TMEM132D: variants seen among roughly 807,000 people sequenced by gnomAD.
TMEM132D encodes mature OL transmembrane protein.
Under a neutral mutation model 62.3 loss-of-function variants are expected in TMEM132D, and 21 were observed. That is an observed-to-expected ratio of 0.34 (90% CI 0.24 to 0.49). TMEM132D has a LOEUF of 0.49. Ranked by LOEUF, TMEM132D falls within the 20% of genes least tolerant of loss-of-function variation. The pLI, the probability that TMEM132D is intolerant of heterozygous loss-of-function variation, is 0.99. For synonymous variants in TMEM132D, 621 were observed against 575.6 expected (o/e 1.08, Z -1.13); for missense variants, 1,346 against 1,402.8 (o/e 0.96, Z 0.65).
chr12:129,797,990 C>G (rs1443640347), intron 1 of TMEM132D, among the ~76,000 whole-genome samples: 1 of 152,200 alleles, frequency 6.6e-6, no homozygotes. Flanking sequence ...GTACCATCCT[C>G]TTGGTGCCAT....
chr12:129,590,881 T>C (rs553726107), intron 2 of TMEM132D, among the ~76,000 whole-genome samples: 244 of 152,294 alleles, frequency 1.6e-3, no homozygotes, highest in African/African-American at 5.0e-3. Context: ...GCAAGCATCA[T>C]CTTCAGTCAT....
chr12:129,714,343 G>A (rs576540569), intron 1 of TMEM132D, among the ~76,000 whole-genome samples: 1 of 152,290 alleles, frequency 6.6e-6, no homozygotes. Flanking sequence ...AGTAAAATCT[G>A]CAGACCCCCC....
At position 129,869,064 on chromosome 12, in the gene TMEM132D, G is replaced by GTT. The variant is rs11308735; in HGVS notation, c.79+34195_79+34196dup. Among the ~76,000 whole-genome samples, 62 of 147,404 alleles carry GTT rather than the reference G, an allele frequency of 4.2e-4. No homozygotes were observed. In the East Asian group the frequency reaches 5.3e-3, roughly 13 times the overall value. On this transcript the variant is annotated intron_variant, in intron 1 of 8. Coordinates refer to ENST00000422113, the MANE Select transcript of TMEM132D (RefSeq NM_133448.3). ...CCACTGTGTTTTTATTTTGCTTTGT[G>GTT]TTTTTTTTTTTTTAATATGAATGTC...
intron 3 of TMEM132D, among the ~76,000 whole-genome samples, chr12:129,499,789 A>AGAGTCATGGGGCG (rs1277877727): frequency 6.6e-6 from 1 of 152,216 alleles, no homozygotes; most frequent in Non-Finnish European, 1.5e-5. Context: ...CGTATGAGGC[A>AGAGTCATGGGGCG]GAGTCATGGG....
At chr12:129,503,409 G>A (rs1875216245) in intron 3 of TMEM132D, among the ~76,000 whole-genome samples, 1 of 152,122 alleles carries the variant, frequency 6.6e-6, no homozygotes, top group Admixed American at 6.5e-5. Context: ...GGGTGTTGGA[G>A]ACTCTCAGAA....
intron 2 of TMEM132D, among the ~76,000 whole-genome samples, chr12:129,638,254 A>C (rs1486707334): frequency 6.6e-6 from 1 of 152,128 alleles, no homozygotes; most frequent in Non-Finnish European, 1.5e-5. Context: ...TCATGGTTTC[A>C]CCATATCACA....
chr12:129,729,007 T>C (rs1042472749), intron 1 of TMEM132D, among the ~76,000 whole-genome samples: 7 of 152,226 alleles, frequency 4.6e-5, no homozygotes, highest in African/African-American at 1.2e-4. Context: ...CCAGTATTTA[T>C]AAAACAAAAG....
chr12:129,684,707 GAAT>G (rs1481410367), intron 2 of TMEM132D, among the ~76,000 whole-genome samples: 4 of 152,074 alleles, frequency 2.6e-5, no homozygotes, highest in Non-Finnish European at 5.9e-5. Context: ...CAGAAGACAG[GAAT>G]ATGTGGAAAA....
chr12:129,185,021 T>G (rs188820165), intron 5 of TMEM132D, among the ~76,000 whole-genome samples: 3 of 152,270 alleles, frequency 2.0e-5, no homozygotes, highest in African/African-American at 7.2e-5. Flanking sequence ...TCACTAAATC[T>G]CAAGTCTAAA....
At chr12:129,093,618 T>C (rs1472469425) in intron 5 of TMEM132D, among the ~76,000 whole-genome samples, 1 of 152,174 alleles carries the variant, frequency 6.6e-6, no homozygotes, top group Non-Finnish European at 1.5e-5. Flanking sequence ...CCCAAGGTCA[T>C]TTATAGATTC....
chr12:129,761,285 T>A (rs749532463), intron 1 of TMEM132D, among the ~76,000 whole-genome samples: 1 of 152,074 alleles, frequency 6.6e-6, no homozygotes, highest in African/African-American at 2.4e-5. Flanking sequence ...ACCACCATGA[T>A]GAAAGACGGT....
chr12:129,726,988 T>C (rs1008375042), intron 1 of TMEM132D, among the ~76,000 whole-genome samples: 1 of 152,294 alleles, frequency 6.6e-6, no homozygotes, highest in South Asian at 2.1e-4. Context: ...CAGTGTGGAT[T>C]TATTTGCTAT....
chr12:129,708,299 G>A (rs1314071836), intron 1 of TMEM132D, among the ~76,000 whole-genome samples: 1 of 152,154 alleles, frequency 6.6e-6, no homozygotes, highest in Non-Finnish European at 1.5e-5. Context: ...ACCAACTTGA[G>A]ACAGGAAGAG....
At chr12:129,381,937 G>T (rs1394090343) in intron 3 of TMEM132D, among the ~76,000 whole-genome samples, 1 of 152,258 alleles carries the variant, frequency 6.6e-6, no homozygotes, top group South Asian at 2.1e-4. Context: ...GGTACTTTAT[G>T]TAAATGATTA....
At chr12:129,540,110 T>A (rs1322555078) in intron 2 of TMEM132D, among the ~76,000 whole-genome samples, 1 of 152,166 alleles carries the variant, frequency 6.6e-6, no homozygotes, top group Non-Finnish European at 1.5e-5. Flanking sequence ...GTTCAATGGC[T>A]TTTAAAAACC....
intron 1 of TMEM132D, among the ~76,000 whole-genome samples, chr12:129,823,078 G>A (rs1872578270): frequency 6.6e-6 from 1 of 152,160 alleles, no homozygotes. Flanking sequence ...TTGTTTAAAA[G>A]TATGTGGCAC....
At chr12:129,667,181 G>T (rs866168028) in intron 2 of TMEM132D, among the ~76,000 whole-genome samples, 2 of 152,016 alleles carry the variant, frequency 1.3e-5, no homozygotes, top group East Asian at 3.9e-4. Flanking sequence ...AATTGTAAAG[G>T]GTTCTAAAAA....
At position 129,484,892 on chromosome 12, in the gene TMEM132D, A is replaced by T. The variant is rs1044302243; in HGVS notation, c.1115+46167T>A. 7.9e-5 allele frequency among the ~76,000 whole-genome samples: 12 copies of T among 152,344 alleles called. No homozygotes were observed. The East Asian group carries it at 2.1e-3, about 27-fold the overall frequency. On this transcript the variant is annotated intron_variant, in intron 3 of 8. Transcript: ENST00000422113. ...GTAGCAGTGATTACAAAACAATGAC[A>T]TTTATGGGTTCTTACTAAGCGGTTG... is the stretch of plus-strand genomic sequence containing the variant.
intron 1 of TMEM132D, among the ~76,000 whole-genome samples, chr12:129,773,022 G>T (rs1870804375): frequency 1.3e-5 from 2 of 152,146 alleles, no homozygotes; most frequent in African/African-American, 4.8e-5. Context: ...AAATCATGAG[G>T]GAAGAGTCAG....
Sources: gnomAD v4.1 joint callset for allele counts (sites outside exome capture counted in the v4.1 genomes callset) on GRCh38, gnomAD v4.1.1 for gene constraint, MANE v1.5 for transcripts, NCBI Gene and HGNC (gene_info 2026-07-23, HGNC 2026-07-21) for gene names.